USP8: variants seen among roughly 807,000 people sequenced by gnomAD.
USP8 encodes ubiquitin carboxyl-terminal hydrolase 8.
Under a neutral mutation model 130.0 loss-of-function variants are expected in USP8, and 27 were observed. That is an observed-to-expected ratio of 0.21 (90% CI 0.15 to 0.29). The LOEUF (loss-of-function observed/expected upper bound fraction) is 0.29. USP8 is among the 10% of genes least tolerant of loss of function. USP8 has a pLI of 1.00. For missense variants in USP8, 1,029 were observed against 1,312.2 expected, an observed-to-expected ratio of 0.78 and a Z score of 3.33; for synonymous variants, 392 against 444.1, an observed-to-expected ratio of 0.88 and a Z score of 1.48.
At chr15:50,485,550 A>ATTTTTTTTTTTTTTTTTT (rs71424071) in intron 12 of USP8, among the ~76,000 whole-genome samples, 23 of 27,944 alleles carry the variant, frequency 8.2e-4, no homozygotes, top group East Asian at 1.5e-3. Context: ...CAGTTTAGTG[A>ATTTTTTTTTTTTTTTTTT]TTTTTTTTTT....
At position 50,510,390 on chromosome 15, in the gene USP8, G is replaced by C. The variant is rs1245183730; in HGVS notation, c.*11302G>C. 6.6e-6 allele frequency: 1 copy of C among 151,812 alleles called. No individual in the cohort carries two copies. The highest frequency in any genetic ancestry group is 1.5e-5 in the Non-Finnish European group (1 of 67,986). The allele number at this position is 151,812 out of a possible 1,614,324, so 9.4% of individuals were successfully genotyped here. ...GTTCCAACCAAATTAAAACTTGATT[G>C]TCAGCAATTACAATAAGATACAACA... On this transcript the variant is annotated 3_prime_UTR_variant, in exon 20 of 20. Transcript: ENST00000307179.
intron 10 of USP8, among the ~76,000 whole-genome samples, chr15:50,480,371 C>T (rs1162371771): frequency 1.3e-5 from 2 of 152,114 alleles, no homozygotes; most frequent in Non-Finnish European, 2.9e-5. Flanking sequence ...ACTAACTGTG[C>T]CAGGCACAGT....
chr15:50,484,432 A>T (rs974995931), intron 12 of USP8, 71 bp downstream of exon 12: 39 of 1,189,932 alleles, frequency 3.3e-5, no homozygotes, highest in Non-Finnish European at 4.5e-5. Flanking sequence ...TGATTATCTT[A>T]CCACACTGCT....
At position 50,506,957 on chromosome 15, in the gene USP8, C is replaced by CAAAA. The variant is rs58329541; in HGVS notation, c.*7899_*7902dup. 2.6e-4 allele frequency: 12 copies of CAAAA among 46,228 alleles called. No individual in the cohort carries two copies. Among genetic ancestry groups the CAAAA allele is most frequent in the African/African-American group, 5.7e-4 (6 of 10,552 alleles). The allele number at this position is 46,228 out of a possible 1,614,324, so 2.9% of individuals were successfully genotyped here. A position where few individuals can be genotyped will look rare whatever the true frequency, so the allele number is the denominator to read the frequency against. ...TGGGCGACAGAGCGAGACTTCATCTCAAAAAAAAAAAAAAAAAAAAAAAAA... is the reference window on the plus strand; with the variant it reads ...TGGGCGACAGAGCGAGACTTCATCTCAAAAAAAAAAAAAAAAAAAAAAAAAAAAA... On this transcript the variant is annotated 3_prime_UTR_variant, in exon 20 of 20. Coordinates refer to ENST00000307179, the MANE Select transcript of USP8 (RefSeq NM_005154.5).
intron 4 of USP8, among the ~76,000 whole-genome samples, chr15:50,452,591 GCATAGAGCACTA>G (rs1243613134): frequency 6.6e-6 from 1 of 152,178 alleles, no homozygotes; most frequent in African/African-American, 2.4e-5. Flanking sequence ...TACTGTTCCA[GCATAGAGCACTA>G]CTAGAGAAGA....
At chr15:50,441,755 G>A (rs1020227180) in intron 3 of USP8, among the ~76,000 whole-genome samples, 1 of 151,962 alleles carries the variant, frequency 6.6e-6, no homozygotes, top group South Asian at 2.1e-4. Flanking sequence ...TTTTTCTGAG[G>A]TAATTAATAA....
chr15:50,426,325 T>G (rs543818680), intron 1 of USP8, among the ~76,000 whole-genome samples: 1 of 152,200 alleles, frequency 6.6e-6, no homozygotes, highest in Non-Finnish European at 1.5e-5. Flanking sequence ...CTAATAAAAT[T>G]AGATATAATT....
At chr15:50,488,453 A>G (rs887842933) in intron 12 of USP8, among the ~76,000 whole-genome samples, 1 of 148,028 alleles carries the variant, frequency 6.8e-6, no homozygotes, top group African/African-American at 2.5e-5. Flanking sequence ...TCACCTGACC[A>G]CCTGGGCTCA....
intron 10 of USP8, among the ~76,000 whole-genome samples, chr15:50,479,208 G>A (rs1304878562): frequency 1.3e-5 from 2 of 152,214 alleles, no homozygotes; most frequent in East Asian, 3.8e-4. Context: ...ACAGAGCAAG[G>A]AGAATATTCT....
chr15:50,463,173 C>A (rs561147151), intron 6 of USP8, among the ~76,000 whole-genome samples: 1 of 152,062 alleles, frequency 6.6e-6, no homozygotes, highest in East Asian at 1.9e-4. Flanking sequence ...TGTTCGAGCC[C>A]GGGAGGTTGA....
At position 50,426,796 on chromosome 15, in the gene USP8, G is replaced by A. The variant is rs375526363; in HGVS notation, c.-66+2282G>A. 15 of 152,236 alleles carry A rather than the reference G, an allele frequency of 9.9e-5. 1 individual carries two copies. The East Asian group carries it at 1.7e-3, about 18-fold the overall frequency. 9.4% of individuals were successfully genotyped at this position (152,236 alleles called of 1,614,324 possible). A position where few individuals can be genotyped will look rare whatever the true frequency, so the allele number is the denominator to read the frequency against. On this transcript the variant is annotated intron_variant, in intron 1 of 19. Coordinates refer to ENST00000307179, the MANE Select transcript of USP8 (RefSeq NM_005154.5). The stretch of plus-strand genomic sequence containing the variant: ...TCTGTTGGTTAGAGCAAAGACCAGC[G>A]TACAACCCTCACCTTTGAAAGGAAA...
At position 50,459,062 on chromosome 15, in the gene USP8, G is replaced by A. The variant is rs546168322; in HGVS notation, c.398G>A (p.Arg133Gln). 8.7e-6 allele frequency: 14 copies of A among 1,613,890 alleles called. No homozygotes were observed. The highest frequency in any genetic ancestry group is 2.2e-5 in the South Asian group (2 of 91,056). Residue 133 changes from arginine to glutamine, a missense_variant, in exon 5 of 20, where the codon CGG (arginine) becomes CAG (glutamine). By Grantham distance (43) the Arg-to-Gln change is conservative (BLOSUM62 1). This residue lies in a region of USP8 where 281 missense variants were observed against 336.7 expected (regional missense o/e 0.83). Transcript: ENST00000307179. Reference sequence around the variant, plus strand: ...AAAGACAGGCAGGAGGAAGCACAGCGGCTACAACAAAAAAGGCAGGAAACA... The same window carrying A: ...AAAGACAGGCAGGAGGAAGCACAGCAGCTACAACAAAAAAGGCAGGAAACA... ...EEKDRQEEAQ[R>Q]LQQKRQETGR...
intron 12 of USP8, chr15:50,489,588 T>G (rs2052084535): frequency 4.3e-6 from 1 of 232,348 alleles, no homozygotes; most frequent in South Asian, 8.5e-5. Context: ...TTAGACATAC[T>G]CCTCTACACC....
At chr15:50,475,878 C>A (rs1190041697) in intron 8 of USP8, among the ~76,000 whole-genome samples, 1 of 152,066 alleles carries the variant, frequency 6.6e-6, no homozygotes, top group Non-Finnish European at 1.5e-5. Flanking sequence ...GCTGGGATTA[C>A]AGGCATGAGC....
rs2052726798 is a variant in USP8 at position 50,510,826 on chromosome 15, G to C, written c.*11738G>C. The C allele has an allele frequency of 6.6e-6, 1 of 152,002 alleles. No homozygotes were observed. Among genetic ancestry groups the C allele is most frequent in the African/African-American group, 2.4e-5 (1 of 41,340 alleles). 9.4% of individuals were successfully genotyped at this position (152,002 alleles called of 1,614,324 possible). On this transcript the variant is annotated 3_prime_UTR_variant, in exon 20 of 20. Coordinates refer to ENST00000307179, the MANE Select transcript of USP8 (RefSeq NM_005154.5). ...GAGTCTCGCTCTGTCTCCCAGGCTG[G>C]AGTGCAGTGGCGCTATCTCGGCTCA...
chr15:50,508,369 A>G lies in USP8; in HGVS notation c.*9281A>G, dbSNP rs948111576. 3.9e-5 allele frequency: 6 copies of G among 152,230 alleles called. No homozygotes were observed. Among genetic ancestry groups the G allele is most frequent in the Non-Finnish European group, 5.9e-5 (4 of 68,038 alleles). The allele number at this position is 152,230 out of a possible 1,614,324, so 9.4% of individuals were successfully genotyped here. On this transcript the variant is annotated 3_prime_UTR_variant, in exon 20 of 20. Transcript: ENST00000307179. ...TTAAGATGAATTGATCATTTATTTT[A>G]TATTCAAATATCTTGCTTCAGCAAG...
Position 50,477,305 on chromosome 15 carries a change from T to A in USP8, c.1024T>A (p.Ser342Thr). 6.2e-7 allele frequency: 1 copy of A among 1,613,250 alleles called. No individual in the cohort carries two copies. Among genetic ancestry groups the A allele is most frequent in the Non-Finnish European group, 8.5e-7 (1 of 1,179,858 alleles). The change falls in exon 10 of 20, where the codon TCA becomes ACA. Residue 342 changes from serine to threonine, a missense_variant. Transcript: ENST00000307179. ...LDFTYPSLEE[S>T]IPSKPAAQTP... ...TTTTACTTATCCCTCATTGGAAGAA[T>A]CAATTCCTTCTAAACCTGCTGCCCA...
chr15:50,467,905 A>G (rs1292285531), intron 7 of USP8, among the ~76,000 whole-genome samples: 1 of 151,006 alleles, frequency 6.6e-6, no homozygotes, highest in Admixed American at 6.6e-5. Flanking sequence ...ATTTATTTTA[A>G]TTTTTTAAAT....
intron 12 of USP8, among the ~76,000 whole-genome samples, chr15:50,485,108 A>T (rs548453441): frequency 6.6e-6 from 1 of 152,274 alleles, no homozygotes; most frequent in African/African-American, 2.4e-5. Context: ...AAAAATGGTT[A>T]AGATGGTAAA....
Sources: gnomAD v4.1 joint callset for allele counts (sites outside exome capture counted in the v4.1 genomes callset) on GRCh38, gnomAD v4.1.1 for gene constraint, gnomAD v4.1.1 regional missense constraint, MANE v1.5 for transcripts, NCBI Gene and HGNC (gene_info 2026-07-23, HGNC 2026-07-21) for gene names.